The following PRELID2 variants were observed in gnomAD, a reference collection of about 807,000 sequenced individuals.
The protein encoded by PRELID2 is PRELI domain containing 2, also known as PRELI domain-containing protein 2.
A neutral mutation model predicts 28.4 loss-of-function variants in PRELID2; 25 were observed. The observed-to-expected ratio is 0.88, with a 90% CI of 0.64 to 1.23. The LOEUF is 1.23. Ranked by LOEUF, PRELID2 falls within the 50% of genes most tolerant of loss-of-function variation. PRELID2 has a pLI of 0.00. For synonymous variants in PRELID2, 76 were observed against 71.6 expected (o/e 1.06, Z -0.31); for missense variants, 201 against 214.4 (o/e 0.94, Z 0.39).
chr5:145,316,443 C>T, the PRELID2 span, among the ~76,000 whole-genome samples: 2 of 152,186 alleles, frequency 1.3e-5, no homozygotes, highest in African/African-American at 4.8e-5. Context: ...GATTGTTAAA[C>T]ATTTACCAAC....
chr5:145,645,636 C>G (rs1397372324), intron 1 of PRELID2, among the ~76,000 whole-genome samples: 1 of 152,062 alleles, frequency 6.6e-6, no homozygotes, highest in Non-Finnish European at 1.5e-5. Context: ...TGTCGACATT[C>G]TTTACAATTT....
chr5:145,785,902 G>A (rs1751963310), intron 5 of PRELID2, among the ~76,000 whole-genome samples: 1 of 152,120 alleles, frequency 6.6e-6, no homozygotes, highest in Non-Finnish European at 1.5e-5. Context: ...GTTACCTGAT[G>A]CTCTCTATAA....
the PRELID2 span, among the ~76,000 whole-genome samples, chr5:145,294,762 A>G: frequency 6.6e-6 from 1 of 152,174 alleles, no homozygotes; most frequent in African/African-American, 2.4e-5. Context: ...GAATCCCTAC[A>G]GTGATGTTCT....
the PRELID2 span, among the ~76,000 whole-genome samples, chr5:145,433,558 A>T: frequency 8.6e-5 from 13 of 152,030 alleles, no homozygotes; most frequent in Admixed American, 2.6e-4. Flanking sequence ...CTGGTCCTTT[A>T]TCAGCTTCTT....
intron 1 of PRELID2, among the ~76,000 whole-genome samples, chr5:145,716,240 C>G (rs1442910613): frequency 6.6e-6 from 1 of 152,160 alleles, no homozygotes; most frequent in Non-Finnish European, 1.5e-5. Flanking sequence ...TATGTAGCGA[C>G]TAGAATAGTG....
At chr5:145,548,380 C>G (rs749932315) in intron 1 of PRELID2, among the ~76,000 whole-genome samples, 1 of 152,102 alleles carries the variant, frequency 6.6e-6, no homozygotes, top group Non-Finnish European at 1.5e-5. Context: ...GAGAATTCCC[C>G]AACAGCTTTA....
Position 145,758,726 on chromosome 5 carries a change from T to C in PRELID2, c.*1810A>G, listed in dbSNP as rs1041270755. Among the ~76,000 whole-genome samples the C allele has an allele frequency of 1.3e-5, 2 of 151,914 alleles. No homozygotes were observed. The highest frequency in any genetic ancestry group is 6.6e-5 in the Admixed American group (1 of 15,252). On this transcript the variant is annotated 3_prime_UTR_variant, in exon 7 of 7. Coordinates refer to ENST00000683046, the MANE Select transcript of PRELID2 (RefSeq NM_205846.3). ...AAGCCTACCAAATGCCATCTACAAATTGGAAAAAAAAGGTCAAAGTGTGTT... is the reference window on the plus strand; with the variant it reads ...AAGCCTACCAAATGCCATCTACAAACTGGAAAAAAAAGGTCAAAGTGTGTT...
At chr5:145,355,197 T>C in the PRELID2 span, among the ~76,000 whole-genome samples, 1 of 152,150 alleles carries the variant, frequency 6.6e-6, no homozygotes, top group Non-Finnish European at 1.5e-5. Context: ...AAAAAAATAC[T>C]TTCTTACATA....
intron 1 of PRELID2, among the ~76,000 whole-genome samples, chr5:145,487,438 T>G (rs1374079089): frequency 6.6e-6 from 1 of 152,174 alleles, no homozygotes. Context: ...CTGTATCCAT[T>G]AGGACAATTT....
the PRELID2 span, among the ~76,000 whole-genome samples, chr5:145,273,454 G>C: frequency 6.6e-6 from 1 of 152,022 alleles, no homozygotes; most frequent in Non-Finnish European, 1.5e-5. Flanking sequence ...GAGGAAGAAA[G>C]GAAACCCCAT....
intron 1 of PRELID2, among the ~76,000 whole-genome samples, chr5:145,545,991 T>C (rs1456742067): frequency 6.6e-6 from 1 of 152,060 alleles, no homozygotes; most frequent in African/African-American, 2.4e-5. Flanking sequence ...AATGGCAGGA[T>C]AGGAAATGGA....
chr5:145,537,975 T>C (rs774733626), intron 1 of PRELID2, among the ~76,000 whole-genome samples: 24 of 151,986 alleles, frequency 1.6e-4, no homozygotes, highest in Non-Finnish European at 2.5e-4. Flanking sequence ...TTTCCAGTTT[T>C]ACATGTAAGT....
chr5:145,536,749 C>T (rs1292769528), intron 1 of PRELID2, among the ~76,000 whole-genome samples: 1 of 151,674 alleles, frequency 6.6e-6, no homozygotes, highest in Non-Finnish European at 1.5e-5. Flanking sequence ...AAAATAAGGA[C>T]ATAGTATTTT....
At chr5:145,374,158 G>A in the PRELID2 span, among the ~76,000 whole-genome samples, 1 of 151,708 alleles carries the variant, frequency 6.6e-6, no homozygotes, top group African/African-American at 2.4e-5. Context: ...TCTTTCAGGA[G>A]CTCTTGTAAG....
chr5:145,647,706 A>G (rs1319101385), intron 1 of PRELID2, among the ~76,000 whole-genome samples: 1 of 152,200 alleles, frequency 6.6e-6, no homozygotes, highest in Non-Finnish European at 1.5e-5. Context: ...GTGGGTTGCA[A>G]AGACTGTGGG....
In PRELID2 at chr5:145,635,335, T is replaced by C. The variant is rs974482822; in HGVS notation, n.70+129596A>G. Among the ~76,000 whole-genome samples, 5 of 152,204 alleles carry C rather than the reference T, an allele frequency of 3.3e-5. No homozygotes were observed. In the East Asian group the frequency reaches 9.6e-4, roughly 29 times the overall value. On this transcript the variant is annotated intron_variant and non_coding_transcript_variant, in intron 1 of 2. Coordinates refer to the PRELID2 transcript ENST00000510259. ...TAAATATTTATAGTATTATATAATA[T>C]AGAGTTCACTTTATACAAGATGATT...
the PRELID2 span, among the ~76,000 whole-genome samples, chr5:145,422,956 G>A: frequency 6.6e-6 from 1 of 150,688 alleles, no homozygotes; most frequent in African/African-American, 2.4e-5. Context: ...CTCAGCATTT[G>A]CTTGTCTGTA....
At chr5:145,541,984 T>TA (rs763306623) in intron 1 of PRELID2, among the ~76,000 whole-genome samples, 15 of 152,038 alleles carry the variant, frequency 9.9e-5, no homozygotes, top group Admixed American at 8.5e-4. Flanking sequence ...TCATGATAAG[T>TA]AAAAAAAGAA....
At chr5:145,297,760 C>T in the PRELID2 span, among the ~76,000 whole-genome samples, 9 of 152,086 alleles carry the variant, frequency 5.9e-5, no homozygotes, top group Non-Finnish European at 1.3e-4. Context: ...TGATAAGCAA[C>T]TTCAGCAAAG....
Sources: allele counts gnomAD v4.1 joint callset (sites outside exome capture counted in the v4.1 genomes callset), GRCh38; gene constraint gnomAD v4.1.1; transcripts MANE v1.5; gene names NCBI Gene and HGNC (gene_info 2026-07-23, HGNC 2026-07-21).